Variants in SDK1 observed in about 807,000 individuals in gnomAD.
SDK1 encodes protein sidekick-1.
SDK1 carries 157 observed loss-of-function variants against 245.5 expected under a neutral mutation model. That is an observed-to-expected ratio of 0.64 (90% CI 0.56 to 0.73). The LOEUF (loss-of-function observed/expected upper bound fraction) is 0.73. Among genes scored for constraint, SDK1 ranks in the 30% least tolerant of loss-of-function variants. The pLI is 0.00. For missense variants in SDK1, 3,583 were observed against 3,002.3 expected (o/e 1.19, Z -4.52); for synonymous variants, 1,647 against 1,278.5 (o/e 1.29, Z -6.15).
rs146073949 is a variant in SDK1, at chr7:3,334,364, C to T, written c.298+32480C>T. ...CATTCTCATTAGATGGTGGAGCCTA[C>T]GCTTGAGAGAAGAAGCTGTCGGGTA... On this transcript the variant is annotated intron_variant, in intron 1 of 44. Transcript: ENST00000404826. Among the ~76,000 whole-genome samples, 650 of 152,320 alleles carry T rather than the reference C, an allele frequency of 4.3e-3. 7 individuals carry two copies. The highest frequency in any genetic ancestry group is 0.018 in the South Asian group (86 of 4,822).
chr7:3,342,728 CA>C (rs1316245041), intron 1 of SDK1, among the ~76,000 whole-genome samples: 2 of 151,932 alleles, frequency 1.3e-5, no homozygotes, highest in Non-Finnish European at 2.9e-5. Flanking sequence ...CATGAAAGAG[CA>C]TATTAAGAGG....
At chr7:4,102,745 T>C (rs1036626198) in intron 22 of SDK1, among the ~76,000 whole-genome samples, 20 of 152,128 alleles carry the variant, frequency 1.3e-4, no homozygotes, top group African/African-American at 4.8e-4. Context: ...CCAAGCCTCC[T>C]GGCCCACTGG....
chr7:3,375,300 G>A (rs1304430440), intron 1 of SDK1, among the ~76,000 whole-genome samples: 1 of 152,116 alleles, frequency 6.6e-6, no homozygotes, highest in African/African-American at 2.4e-5. Context: ...GTATAATACT[G>A]ACCCAGGACT....
rs78246111 is a variant in SDK1, at chr7:4,026,565, T to G, written c.2602+9213T>G. On this transcript the variant is annotated intron_variant, in intron 17 of 44. Coordinates refer to ENST00000404826, the MANE Select transcript of SDK1 (RefSeq NM_152744.4). This position sits in a 1 kb window ranked among gnomAD's most constrained non-coding sequence, Gnocchi z 4.1. ...GCCCCAAATGCTTCTCTTCAATGCCTGGCAAGTAAAGATTTGGAAAAAAAA... is the reference window on the plus strand; with the variant it reads ...GCCCCAAATGCTTCTCTTCAATGCCGGGCAAGTAAAGATTTGGAAAAAAAA... Among the ~76,000 whole-genome samples the G allele has an allele frequency of 0.019, 2,839 of 152,202 alleles. 94 individuals carry two copies. The highest frequency in any genetic ancestry group is 0.063 in the African/African-American group (2,629 of 41,532).
chr7:4,036,100 G>C (rs539857710), intron 17 of SDK1, among the ~76,000 whole-genome samples: 1 of 152,136 alleles, frequency 6.6e-6, no homozygotes, highest in East Asian at 1.9e-4. Context: ...GACTTTTAAT[G>C]ATAACCTCTT....
chr7:3,784,529 C>T (rs1780842164), intron 4 of SDK1, among the ~76,000 whole-genome samples: 4 of 151,714 alleles, frequency 2.6e-5, no homozygotes, highest in African/African-American at 9.7e-5. Flanking sequence ...ACAAAAAATT[C>T]TAATTAAAAA....
chr7:4,138,520 T>C (rs778909493), intron 28 of SDK1, among the ~76,000 whole-genome samples: 8 of 151,166 alleles, frequency 5.3e-5, no homozygotes, highest in Non-Finnish European at 5.9e-5. Flanking sequence ...CTGAGAAGGG[T>C]GGATCCACGT....
intron 5 of SDK1, among the ~76,000 whole-genome samples, chr7:3,940,171 C>G (rs1362932160): frequency 6.6e-6 from 1 of 151,462 alleles, no homozygotes; most frequent in Non-Finnish European, 1.5e-5. Context: ...TACAGAACTT[C>G]TCATTGTCAG....
intron 5 of SDK1, among the ~76,000 whole-genome samples, chr7:3,888,749 A>C (rs1781392155): frequency 6.6e-6 from 1 of 152,214 alleles, no homozygotes; most frequent in African/African-American, 2.4e-5. Context: ...TCCTGGGAGA[A>C]AAAATTCAGA....
At chr7:4,203,511 A>G (rs1167780896) in intron 35 of SDK1, among the ~76,000 whole-genome samples, 6 of 148,132 alleles carry the variant, frequency 4.1e-5, no homozygotes, top group Admixed American at 2.7e-4. Context: ...CTTTTTAAAA[A>G]TAATTTCATG....
At chr7:4,136,646 C>T (rs186886958) in intron 28 of SDK1, among the ~76,000 whole-genome samples, 21 of 152,230 alleles carry the variant, frequency 1.4e-4, no homozygotes, top group Admixed American at 9.8e-4. Flanking sequence ...CCTCCCTCAC[C>T]CACCAGCTGA....
At chr7:3,323,890 G>A (rs956150265) in intron 1 of SDK1, among the ~76,000 whole-genome samples, 4 of 152,192 alleles carry the variant, frequency 2.6e-5, no homozygotes, top group African/African-American at 9.7e-5. Flanking sequence ...GTTGGGTAAA[G>A]GTTCTTCTTC....
At chr7:3,623,254 T>TG (rs766570563) in intron 2 of SDK1, among the ~76,000 whole-genome samples, 16 of 149,046 alleles carry the variant, frequency 1.1e-4, no homozygotes, top group African/African-American at 3.9e-4. Context: ...TCTTTTTTTT[T>TG]TTTTTTTTTT....
intron 1 of SDK1, among the ~76,000 whole-genome samples, chr7:3,461,689 G>C (rs1780835594): frequency 6.6e-6 from 1 of 152,088 alleles, no homozygotes; most frequent in Admixed American, 6.6e-5. Context: ...CTTTTCAACA[G>C]ATGACATCAC....
At chr7:4,039,388 C>T (rs1788444473) in intron 17 of SDK1, among the ~76,000 whole-genome samples, 1 of 151,908 alleles carries the variant, frequency 6.6e-6, no homozygotes, top group African/African-American at 2.4e-5. Flanking sequence ...AGTAATTTTA[C>T]TAAATATATA....
intron 13 of SDK1, among the ~76,000 whole-genome samples, chr7:3,979,142 A>T (rs1183013676): frequency 6.6e-6 from 1 of 152,098 alleles, no homozygotes; most frequent in African/African-American, 2.4e-5. Flanking sequence ...GTGACTTTGG[A>T]CAAATCCCCT....
chr7:3,618,945 C>CTT, intron 1 of SDK1, 135 bp from the exon 2 acceptor site: 1 of 675,002 alleles, frequency 1.5e-6, no homozygotes, highest in Non-Finnish European at 2.4e-6. Context: ...GGATTATTTA[C>CTT]TTCTTAATTG....
chr7:4,018,823 C>A (rs139912944), intron 17 of SDK1, among the ~76,000 whole-genome samples: 2 of 152,062 alleles, frequency 1.3e-5, no homozygotes, highest in Admixed American at 6.5e-5. Context: ...GCATTAGGGG[C>A]GGAATCTGTG....
chr7:4,098,189 A>AGATCCT (rs1782286972), intron 22 of SDK1, among the ~76,000 whole-genome samples: 1 of 152,204 alleles, frequency 6.6e-6, no homozygotes, highest in African/African-American at 2.4e-5. Context: ...TTGAGGTCCT[A>AGATCCT]TTATGGGACC....
Sources: allele counts gnomAD v4.1 joint callset (sites outside exome capture counted in the v4.1 genomes callset), GRCh38; gene constraint gnomAD v4.1.1; non-coding constraint Gnocchi (gnomAD v3.1); transcripts MANE v1.5; gene names NCBI Gene and HGNC (gene_info 2026-07-23, HGNC 2026-07-21).